Variants in CNBD1 observed in about 807,000 individuals in gnomAD.
The protein encoded by CNBD1 is cyclic nucleotide-binding domain-containing protein 1.
A neutral mutation model predicts 54.4 loss-of-function variants in CNBD1; 71 were observed. That is an observed-to-expected ratio of 1.30 (90% CI 1.08 to 1.59). The LOEUF (loss-of-function observed/expected upper bound fraction) is 1.59, where lower values mean the gene tolerates loss of function less well. Ranked by LOEUF, CNBD1 falls within the 40% of genes most tolerant of loss-of-function variation. The probability of loss-of-function intolerance (pLI) is 0.00; values close to 1 mark genes in which losing one functional copy is unlikely to be tolerated. For missense variants in CNBD1, 659 were observed against 518.0 expected, an observed-to-expected ratio of 1.27 and a Z score of -2.64; for synonymous variants, 182 against 170.7, an observed-to-expected ratio of 1.07 and a Z score of -0.51.
intron 4 of CNBD1, among the ~76,000 whole-genome samples, chr8:87,025,738 C>T (rs1211501605): frequency 2.6e-5 from 4 of 152,182 alleles, no homozygotes; most frequent in Non-Finnish European, 4.4e-5. Context: ...AGAAGATCTG[C>T]GGCTTCACTC....
intron 8 of CNBD1, among the ~76,000 whole-genome samples, chr8:87,340,599 C>A (rs1810046427): frequency 6.6e-6 from 1 of 151,888 alleles, no homozygotes; most frequent in Admixed American, 6.6e-5. Context: ...TACTCTTTTT[C>A]TGTTGTTGTT....
At chr8:87,220,874 G>A (rs868222925) in intron 5 of CNBD1, among the ~76,000 whole-genome samples, 1 of 151,682 alleles carries the variant, frequency 6.6e-6, no homozygotes, top group Non-Finnish European at 1.5e-5. Flanking sequence ...CTCGATAGTT[G>A]TCTACAAATG....
At chr8:87,236,289 A>G (rs1474296538) in intron 5 of CNBD1, among the ~76,000 whole-genome samples, 1 of 152,084 alleles carries the variant, frequency 6.6e-6, no homozygotes, top group Non-Finnish European at 1.5e-5. Context: ...AATATTCACA[A>G]ATGAGTATGT....
intron 4 of CNBD1, among the ~76,000 whole-genome samples, chr8:87,004,579 C>G (rs1809057925): frequency 6.6e-6 from 1 of 150,634 alleles, no homozygotes; most frequent in East Asian, 1.9e-4. Context: ...TCTGAAATCA[C>G]AGAGCACAAA....
intron 3 of CNBD1, among the ~76,000 whole-genome samples, chr8:86,908,630 T>C (rs1809053759): frequency 6.6e-6 from 1 of 152,168 alleles, no homozygotes; most frequent in Non-Finnish European, 1.5e-5. Context: ...AAATTGACCT[T>C]TTTTCAAACA....
intron 2 of CNBD1, among the ~76,000 whole-genome samples, chr8:87,423,186 G>A (rs548868732): frequency 6.6e-6 from 1 of 152,062 alleles, no homozygotes; most frequent in Non-Finnish European, 1.5e-5. Flanking sequence ...CTGAGACGAT[G>A]GGGTTTTCTA....
intron 4 of CNBD1, among the ~76,000 whole-genome samples, chr8:87,191,519 T>A (rs1813609810): frequency 6.6e-6 from 1 of 152,170 alleles, no homozygotes; most frequent in African/African-American, 2.4e-5. Flanking sequence ...GCAGTCAAGT[T>A]GACACCTAAT....
intron 4 of CNBD1, among the ~76,000 whole-genome samples, chr8:86,962,107 GT>G (rs111240068): frequency 0.14 from 21,418 of 151,760 alleles, 2,120 homozygotes; most frequent in African/African-American, 0.28. Flanking sequence ...GAAAACAGAG[GT>G]TTTTTTCAAA....
chr8:87,276,893 T>A (rs779620456), intron 6 of CNBD1, among the ~76,000 whole-genome samples: 1 of 151,518 alleles, frequency 6.6e-6, no homozygotes, highest in Non-Finnish European at 1.5e-5. Context: ...GCACCATGAA[T>A]CTGAGTTTAG....
intron 2 of CNBD1, among the ~76,000 whole-genome samples, chr8:87,399,191 A>T (rs1176927777): frequency 6.6e-6 from 1 of 151,994 alleles, no homozygotes; most frequent in African/African-American, 2.4e-5. Flanking sequence ...TTTTGTTACT[A>T]TTGATTTGTT....
chr8:87,157,668 G>C (rs1477058570), intron 4 of CNBD1, among the ~76,000 whole-genome samples: 1 of 152,144 alleles, frequency 6.6e-6, no homozygotes, highest in Non-Finnish European at 1.5e-5. Context: ...GGATTTCCCA[G>C]GGCTCCTCCT....
At chr8:87,407,250 T>C (rs1305945997) in intron 2 of CNBD1, among the ~76,000 whole-genome samples, 1 of 152,128 alleles carries the variant, frequency 6.6e-6, no homozygotes, top group Non-Finnish European at 1.5e-5. Flanking sequence ...TTAAAATTAA[T>C]ATAAGAAACA....
intron 3 of CNBD1, among the ~76,000 whole-genome samples, chr8:86,909,060 A>T (rs933710623): frequency 6.6e-6 from 1 of 152,106 alleles, no homozygotes; most frequent in East Asian, 1.9e-4. Flanking sequence ...GGGGCCAAGA[A>T]TTCTTTTTGA....
At chr8:87,401,885 G>T (rs1807573069) in intron 2 of CNBD1, among the ~76,000 whole-genome samples, 2 of 151,880 alleles carry the variant, frequency 1.3e-5, no homozygotes, top group Admixed American at 1.3e-4. Context: ...TGATATAAGG[G>T]CCCTCTCTTC....
chr8:87,140,427 AT>A (rs1812348982), intron 4 of CNBD1, among the ~76,000 whole-genome samples: 1 of 152,164 alleles, frequency 6.6e-6, no homozygotes, highest in Non-Finnish European at 1.5e-5. Context: ...TTCCTCAAAC[AT>A]AACCTTGTTA....
At chr8:87,333,633 C>G (rs1809881258) in intron 8 of CNBD1, among the ~76,000 whole-genome samples, 1 of 152,100 alleles carries the variant, frequency 6.6e-6, no homozygotes, top group African/African-American at 2.4e-5. Context: ...TTGAGATAAT[C>G]ATGTGGTTTT....
intron 10 of CNBD1, among the ~76,000 whole-genome samples, chr8:87,380,029 A>C (rs367643738): frequency 1.3e-5 from 2 of 151,918 alleles, no homozygotes. Context: ...GGGAGGTTTT[A>C]GATAATGCAA....
chr8:87,386,592 A>T (rs1485510876), downstream of CNBD1, among the ~76,000 whole-genome samples: 1 of 152,216 alleles, frequency 6.6e-6, no homozygotes, highest in African/African-American at 2.4e-5. Flanking sequence ...AGCCTCCAAG[A>T]AATATGGGAC....
chr8:87,420,619 A>G (rs567256191), intron 2 of CNBD1, among the ~76,000 whole-genome samples: 5 of 152,094 alleles, frequency 3.3e-5, no homozygotes, highest in Non-Finnish European at 7.4e-5. Context: ...TTCAAATAAA[A>G]TCTACCTACT....
Sources: gnomAD v4.1 joint callset for allele counts (sites outside exome capture counted in the v4.1 genomes callset) on GRCh38, gnomAD v4.1.1 for gene constraint, MANE v1.5 for transcripts, NCBI Gene and HGNC (gene_info 2026-07-23, HGNC 2026-07-21) for gene names.